TF: variants seen among roughly 807,000 people sequenced by gnomAD.
The protein encoded by TF is serotransferrin.
TF carries 55 observed loss-of-function variants against 82.4 expected under a neutral mutation model. The ratio of observed to expected loss-of-function variants is 0.67; its 90% CI spans 0.54 to 0.84. TF has a LOEUF of 0.84. Among genes scored for constraint, TF ranks in the 40% least tolerant of loss-of-function variants. TF has a pLI of 0.00. For missense variants in TF, 737 were observed against 868.4 expected, an observed-to-expected ratio of 0.85 and a Z score of 1.90; for synonymous variants, 332 against 332.6, an observed-to-expected ratio of 1.00 and a Z score of 0.02.
At chr3:133,671,639 A>G in the TF span, among the ~76,000 whole-genome samples, 1 of 151,892 alleles carries the variant, frequency 6.6e-6, no homozygotes, top group Non-Finnish European at 1.5e-5. Flanking sequence ...AAAAATAAAT[A>G]AAAATTACCC....
At position 133,775,589 on chromosome 3, in the gene TF, G is replaced by A. The variant is rs1244789043; in HGVS notation, c.1844G>A (p.Cys615Tyr). Residue 615 changes from cysteine to tyrosine, a missense_variant, in exon 15 of 17, where the codon TGC becomes TAC. By Grantham distance (194) the Cys-to-Tyr change is radical. Transcript: ENST00000402696. Reference protein sequence around the residue: ...AVVTRKDKEACVHKILRQQQH... With the variant: ...AVVTRKDKEAYVHKILRQQQH... ...GTCACACGGAAAGATAAGGAAGCTT[G>A]CGTCCACAAGATATTACGTCAACAG... 6.2e-7 allele frequency: 1 copy of A among 1,614,086 alleles called. No homozygotes were observed. Among genetic ancestry groups the A allele is most frequent in the African/African-American group, 1.3e-5 (1 of 74,938 alleles).
chr3:133,768,135 G>A lies in TF; in HGVS notation c.1593G>A (p.Glu531=). 6.2e-7 allele frequency: 1 copy of A among 1,614,210 alleles called. No homozygotes were observed. The highest frequency in any genetic ancestry group is 8.5e-7 in the Non-Finnish European group (1 of 1,180,028). ...ACCTGTGTGAACCCAACAACAAAGAGGGATACTACGGCTACACAGGCGCTT... is the reference window on the plus strand; with the variant it reads ...ACCTGTGTGAACCCAACAACAAAGAAGGATACTACGGCTACACAGGCGCTT... ...GLNLCEPNNK[E]GYYGYTGAFR... The change falls in exon 13 of 17, where the codon GAG becomes GAA. Residue 531 remains glutamate (E), a synonymous_variant. Coordinates refer to ENST00000402696, the MANE Select transcript of TF (RefSeq NM_001063.4).
chr3:133,727,469 G>C, the TF span, among the ~76,000 whole-genome samples: 1 of 117,854 alleles, frequency 8.5e-6, no homozygotes, highest in Non-Finnish European at 1.8e-5. Context: ...CAGAGACTAA[G>C]ATTGCAACCC....
chr3:133,758,793 C>T (rs1933906577), intron 8 of TF, among the ~76,000 whole-genome samples: 1 of 152,164 alleles, frequency 6.6e-6, no homozygotes, highest in South Asian at 2.1e-4. Flanking sequence ...ACAAGACAGG[C>T]AGGGCCCTTT....
chr3:133,746,336 C>T (rs1207130299), upstream of TF: 10 of 1,374,822 alleles, frequency 7.3e-6, no homozygotes, highest in Non-Finnish European at 1.0e-5. Context: ...TCAAAGATTG[C>T]GCCCAGCCCG....
At chr3:133,769,859 T>G (rs887091008) in intron 13 of TF, among the ~76,000 whole-genome samples, 1 of 152,054 alleles carries the variant, frequency 6.6e-6, no homozygotes, top group Non-Finnish European at 1.5e-5. Context: ...CTAACCAGAG[T>G]TTATTTTGTT....
At position 133,754,962 on chromosome 3, in the gene TF, G is replaced by T. The variant is rs568596044; in HGVS notation, c.502+291G>T. Among the ~76,000 whole-genome samples the T allele has an allele frequency of 2.6e-5, 4 of 152,338 alleles. No homozygotes were observed. The South Asian group carries it at 8.3e-4, about 32-fold the overall frequency. ...CAGTCTAGGCGATGGTGGTTCTCTTGTCCACTTCTCTGGATTTCTTTCCTG... is the reference window on the plus strand; with the variant it reads ...CAGTCTAGGCGATGGTGGTTCTCTTTTCCACTTCTCTGGATTTCTTTCCTG... On this transcript the variant is annotated intron_variant, in intron 4 of 16. Transcript: ENST00000402696.
intron 3 of TF, chr3:133,753,986 T>G: frequency 1.8e-6 from 1 of 541,806 alleles, no homozygotes; most frequent in Non-Finnish European, 3.3e-6. Flanking sequence ...TGAAGGCTAC[T>G]GCGGTCTACT....
At chr3:133,747,756 A>G (rs1012099423) in intron 1 of TF, among the ~76,000 whole-genome samples, 1 of 152,202 alleles carries the variant, frequency 6.6e-6, no homozygotes, top group Non-Finnish European at 1.5e-5. Flanking sequence ...ACAGAGAGCA[A>G]CAGACAAGAG....
At chr3:133,755,183 G>T (rs1405653987) in intron 4 of TF, among the ~76,000 whole-genome samples, 180 bp from the exon 5 acceptor site, 1 of 152,250 alleles carries the variant, frequency 6.6e-6, no homozygotes, top group Non-Finnish European at 1.5e-5. Flanking sequence ...CCAGACAGAG[G>T]TCAACTTGTT....
At chr3:133,749,778 A>C (rs1933608996) in intron 2 of TF, among the ~76,000 whole-genome samples, 1 of 152,188 alleles carries the variant, frequency 6.6e-6, no homozygotes, top group Non-Finnish European at 1.5e-5. Flanking sequence ...AGGCAGTGAC[A>C]ATAGGTTTCA....
chr3:133,749,851 G>A (rs1933611367), intron 2 of TF, among the ~76,000 whole-genome samples: 1 of 152,198 alleles, frequency 6.6e-6, no homozygotes, highest in Non-Finnish European at 1.5e-5. Context: ...CAGTGGTGAT[G>A]TGAGCATTTT....
chr3:133,695,246 T>C, the TF span, among the ~76,000 whole-genome samples: 1 of 7,896 alleles, frequency 1.3e-4, no homozygotes, highest in Non-Finnish European at 3.5e-4. Context: ...GAGCTGGTTC[T>C]TTTTTTTTTT....
chr3:133,767,693 C>G (rs1379548929), intron 12 of TF, among the ~76,000 whole-genome samples: 2 of 152,244 alleles, frequency 1.3e-5, no homozygotes, highest in Non-Finnish European at 2.9e-5. Context: ...ACAGGTGGCA[C>G]AAGCTCAGGA....
rs1454360870 is a variant in TF, at chr3:133,784,462, T to G, written c.*5842T>G. 2 of 77,488 alleles carry G rather than the reference T, an allele frequency of 2.6e-5. No individual in the cohort carries two copies. Among genetic ancestry groups the G allele is most frequent in the African/African-American group, 1.3e-4 (2 of 15,124 alleles). 4.8% of individuals were successfully genotyped at this position (77,488 alleles called of 1,614,324 possible). On this transcript the variant is annotated 3_prime_UTR_variant, in exon 17 of 17. Transcript: ENST00000402696. ...AATCACACATCTTGTAAATTCCCAT[T>G]TGTTAAAAAAATAATAATAATAATA...
Position 133,784,479 on chromosome 3 carries a change from ATAATAATAATAAT to A in TF, c.*5860_*5872del, listed in dbSNP as rs1934604520. On this transcript the variant is annotated 3_prime_UTR_variant, in exon 17 of 17. Transcript: ENST00000402696. ...ATTCCCATTTGTTAAAAAAATAATA[ATAATAATAATAAT>A]AATAATAATAATAATAGGACATAAA... The A allele has an allele frequency of 7.3e-5, 10 of 137,150 alleles. No individual in the cohort carries two copies. In the South Asian group the frequency reaches 2.3e-3, roughly 31 times the overall value. 8.5% of individuals were successfully genotyped at this position (137,150 alleles called of 1,614,324 possible). A position where few individuals can be genotyped will look rare whatever the true frequency, so the allele number is the denominator to read the frequency against.
chr3:133,674,308 A>T, the TF span, among the ~76,000 whole-genome samples: 3 of 152,204 alleles, frequency 2.0e-5, no homozygotes, highest in Non-Finnish European at 2.9e-5. Flanking sequence ...AAGCGGCCAG[A>T]CTAGTGCGCT....
the TF span, among the ~76,000 whole-genome samples, chr3:133,668,711 ATC>A: frequency 1.3e-5 from 2 of 152,186 alleles, no homozygotes; most frequent in Non-Finnish European, 2.9e-5. Flanking sequence ...AGCTGCCAGC[ATC>A]TGTGTTCATT....
At chr3:133,768,220 C>A (rs1238649685) in intron 13 of TF, 56 bp downstream of exon 13, 2 of 1,603,020 alleles carry the variant, frequency 1.2e-6, no homozygotes, top group East Asian at 2.2e-5. Flanking sequence ...GGCCAGATTT[C>A]TTTTAGGAAC....
Sources: gnomAD v4.1 joint callset for allele counts (sites outside exome capture counted in the v4.1 genomes callset) on GRCh38, gnomAD v4.1.1 for gene constraint, MANE v1.5 for transcripts, NCBI Gene and HGNC (gene_info 2026-07-23, HGNC 2026-07-21) for gene names.